COG6: variants seen among roughly 807,000 people sequenced by gnomAD.
COG6 encodes the protein component of oligomeric golgi complex 6.
In COG6, 74 loss-of-function variants were observed where a neutral mutation model predicts 88.8. That is an observed-to-expected ratio of 0.83 (90% CI 0.69 to 1.01). The LOEUF (loss-of-function observed/expected upper bound fraction) is 1.01, where lower values mean the gene tolerates loss of function less well. COG6 is among the 50% of genes least tolerant of loss of function. The pLI, the probability that COG6 is intolerant of heterozygous loss-of-function variation, is 0.00. For synonymous variants in COG6, 286 were observed against 278.7 expected, an observed-to-expected ratio of 1.03 and a Z score of -0.26; for missense variants, 800 against 797.9, an observed-to-expected ratio of 1.00 and a Z score of -0.03.
At chr13:39,657,051 A>G (rs1348408772) in intron 1 of COG6, among the ~76,000 whole-genome samples, 2 of 152,208 alleles carry the variant, frequency 1.3e-5, no homozygotes, top group Admixed American at 1.3e-4. Context: ...TCTTTTTTGG[A>G]CAGAGTTTTG....
At chr13:39,788,323 A>G in intron 18 of COG6, 1 of 1,551,794 alleles carries the variant, frequency 6.4e-7, no homozygotes, top group Non-Finnish European at 8.7e-7. Flanking sequence ...GATTGTTGGC[A>G]TTTGCTCACA....
intron 18 of COG6, among the ~76,000 whole-genome samples, chr13:39,758,827 T>C (rs550240442): frequency 3.3e-5 from 5 of 152,238 alleles, no homozygotes; most frequent in South Asian, 2.1e-4. Context: ...AACTGAAATA[T>C]CCATCAGCTA....
At chr13:39,775,988 C>T (rs1005548313) in intron 18 of COG6, among the ~76,000 whole-genome samples, 1 of 152,060 alleles carries the variant, frequency 6.6e-6, no homozygotes, top group Non-Finnish European at 1.5e-5. Context: ...AGTCTGGTCT[C>T]GAACTCCCCA....
chr13:39,766,288 G>T (rs1182826986), intron 18 of COG6, among the ~76,000 whole-genome samples: 1 of 152,118 alleles, frequency 6.6e-6, no homozygotes, highest in Non-Finnish European at 1.5e-5. Flanking sequence ...GAAAGGAAAG[G>T]GTTGCCAATT....
At position 39,679,585 on chromosome 13, in the gene COG6, C is replaced by T; in HGVS notation, c.588C>T (p.Val196=). Residue 196 remains valine (V), a synonymous_variant, in exon 6 of 19, where the codon GTC becomes GTT. Transcript: ENST00000455146. ...LGRVKQIHND[V]KVLLRTNQQT... The stretch of plus-strand genomic sequence containing the variant: ...GAGTAAAACAGATTCATAATGATGT[C>T]AAAGTTCTCTTGCGTACAAATCAAC... 1.3e-6 allele frequency: 2 copies of T among 1,596,124 alleles called. No homozygotes were observed. Among genetic ancestry groups the T allele is most frequent in the South Asian group, 2.2e-5 (2 of 90,692 alleles).
intron 11 of COG6, among the ~76,000 whole-genome samples, chr13:39,691,236 A>G (rs1023913507): frequency 1.2e-4 from 18 of 151,868 alleles, no homozygotes; most frequent in African/African-American, 4.3e-4. Context: ...TTGAGTAAGA[A>G]TTATTATATT....
chr13:39,684,988 T>A (rs761707435), intron 8 of COG6, among the ~76,000 whole-genome samples: 18 of 152,174 alleles, frequency 1.2e-4, no homozygotes, highest in Non-Finnish European at 2.6e-4. Context: ...GCCTTTAGAA[T>A]ATAAGTTATT....
chr13:39,657,889 A>T (rs1874626050), intron 1 of COG6, among the ~76,000 whole-genome samples: 1 of 152,126 alleles, frequency 6.6e-6, no homozygotes, highest in Non-Finnish European at 1.5e-5. Context: ...TGAGCTCCAG[A>T]TTTGTAGAAT....
At chr13:39,736,579 T>C (rs1274325915) in intron 18 of COG6, among the ~76,000 whole-genome samples, 1 of 152,032 alleles carries the variant, frequency 6.6e-6, no homozygotes, top group Non-Finnish European at 1.5e-5. Flanking sequence ...TAATCCCAGC[T>C]ACTCAGGAGA....
At chr13:39,738,977 T>C (rs999304235) in intron 18 of COG6, among the ~76,000 whole-genome samples, 1 of 151,970 alleles carries the variant, frequency 6.6e-6, no homozygotes, top group Non-Finnish European at 1.5e-5. Flanking sequence ...TACAAAAAAA[T>C]AGGAAATTAA....
intron 18 of COG6, among the ~76,000 whole-genome samples, chr13:39,735,564 CTG>C (rs1480550947): frequency 4.6e-5 from 7 of 152,234 alleles, no homozygotes; most frequent in Admixed American, 3.9e-4. Context: ...TTACAACATT[CTG>C]TGTTTTTCTG....
chr13:39,767,274 A>G (rs967316347), intron 18 of COG6, among the ~76,000 whole-genome samples: 1 of 152,238 alleles, frequency 6.6e-6, no homozygotes, highest in Admixed American at 6.5e-5. Context: ...GAGACAAAAA[A>G]TAATTTGGCT....
intron 16 of COG6, 105 bp downstream of exon 16, chr13:39,723,545 T>A (rs995935507): frequency 1.4e-4 from 99 of 731,810 alleles, no homozygotes; most frequent in Non-Finnish European, 1.1e-4. Flanking sequence ...ATTAGCTGTG[T>A]TCTCCTGGGA....
intron 18 of COG6, among the ~76,000 whole-genome samples, chr13:39,732,349 C>G (rs1297017002): frequency 6.6e-6 from 1 of 152,032 alleles, no homozygotes; most frequent in Non-Finnish European, 1.5e-5. Context: ...TACAGACAAT[C>G]AACAGTGTAA....
At chr13:39,734,781 A>C (rs1246570287) in intron 18 of COG6, among the ~76,000 whole-genome samples, 1 of 152,120 alleles carries the variant, frequency 6.6e-6, no homozygotes, top group Non-Finnish European at 1.5e-5. Context: ...TGGGTGCTCC[A>C]ATGTTGGGTG....
At chr13:39,678,956 A>G (rs1593419090) in intron 5 of COG6, among the ~76,000 whole-genome samples, 1 of 152,094 alleles carries the variant, frequency 6.6e-6, no homozygotes, top group East Asian at 1.9e-4. Context: ...TTTATTCATC[A>G]AAGAAAAATA....
intron 13 of COG6, among the ~76,000 whole-genome samples, chr13:39,708,462 A>G (rs1347761162): frequency 6.6e-6 from 1 of 152,114 alleles, no homozygotes; most frequent in Non-Finnish European, 1.5e-5. Flanking sequence ...TGGCTATCTC[A>G]AGGTCATGAG....
intron 2 of COG6, among the ~76,000 whole-genome samples, chr13:39,659,801 C>T (rs1025706549): frequency 6.6e-5 from 10 of 152,006 alleles, no homozygotes; most frequent in African/African-American, 1.4e-4. Flanking sequence ...AATGGCTTTC[C>T]AATAGAAATA....
chr13:39,765,004 TG>T (rs1201649354), intron 18 of COG6, among the ~76,000 whole-genome samples: 1 of 152,220 alleles, frequency 6.6e-6, no homozygotes, highest in East Asian at 1.9e-4. Flanking sequence ...TGTCAGTTTT[TG>T]CTTTATATGT....
Sources: allele counts gnomAD v4.1 joint callset (sites outside exome capture counted in the v4.1 genomes callset), GRCh38; gene constraint gnomAD v4.1.1; transcripts MANE v1.5; gene names NCBI Gene and HGNC (gene_info 2026-07-23, HGNC 2026-07-21).